FAM135B: variants seen among roughly 807,000 people sequenced by gnomAD.
FAM135B encodes the protein protein FAM135B.
In FAM135B, 43 loss-of-function variants were observed where a neutral mutation model predicts 127.7. That is an observed-to-expected ratio of 0.34 (90% confidence interval 0.26 to 0.43). FAM135B has a LOEUF of 0.43. FAM135B is among the 20% of genes least tolerant of loss of function. The pLI is 1.00. For missense variants in FAM135B, 1,558 were observed against 1,725.6 expected, an observed-to-expected ratio of 0.90 and a Z score of 1.72; for synonymous variants, 670 against 665.1, an observed-to-expected ratio of 1.01 and a Z score of -0.11.
chr8:138,337,729 G>A (rs1323700190), intron 2 of FAM135B, among the ~76,000 whole-genome samples: 1 of 152,066 alleles, frequency 6.6e-6, no homozygotes, highest in African/African-American at 2.4e-5. Flanking sequence ...AGCTACCAAT[G>A]ACTTTCTTCA....
intron 3 of FAM135B, among the ~76,000 whole-genome samples, chr8:138,307,446 C>T (rs115761392): frequency 0.014 from 2,079 of 152,190 alleles, 50 homozygotes; most frequent in African/African-American, 0.048. Context: ...CCCCTTCACC[C>T]ATGCTATGAG....
intron 2 of FAM135B, among the ~76,000 whole-genome samples, chr8:138,357,398 A>AACTTGGAAAGTCTC (rs1181342100): frequency 6.6e-6 from 1 of 152,190 alleles, no homozygotes; most frequent in African/African-American, 2.4e-5. Context: ...AAATGTTTAT[A>AACTTGGAAAGTCTC]ACTTGGAAAG....
At chr8:138,245,957 T>C (rs538358488) in intron 6 of FAM135B, among the ~76,000 whole-genome samples, 10 of 152,248 alleles carry the variant, frequency 6.6e-5, no homozygotes, top group African/African-American at 1.9e-4. Context: ...GTGTCTCAGA[T>C]GGAGATGAGG....
At chr8:138,495,208 T>C (rs1055684622) in intron 1 of FAM135B, among the ~76,000 whole-genome samples, 1 of 152,234 alleles carries the variant, frequency 6.6e-6, no homozygotes, top group Non-Finnish European at 1.5e-5. Context: ...TGGATTGTGA[T>C]TGAGCCTGGT....
intron 1 of FAM135B, among the ~76,000 whole-genome samples, chr8:138,395,796 T>G (rs1283068952): frequency 1.7e-4 from 26 of 152,188 alleles, no homozygotes; most frequent in Non-Finnish European, 2.9e-5. Flanking sequence ...GGTAGGACAT[T>G]AGGCACATTG....
rs181276908 is a variant in FAM135B at position 138,454,077 on chromosome 8, C to T, written c.-20+42594G>A. ...GTGGGGGTCACTGAGTTAGTCCAGA[C>T]GGGATGCAGGAGAGGAGAATAAGGC... On this transcript the variant is annotated intron_variant, in intron 1 of 19. Coordinates refer to ENST00000395297, the MANE Select transcript of FAM135B (RefSeq NM_015912.4). Among the ~76,000 whole-genome samples the T allele has an allele frequency of 1.2e-3, 179 of 151,510 alleles. 1 individual carries two copies. Among genetic ancestry groups the T allele is most frequent in the Non-Finnish European group, 1.6e-3 (112 of 67,958 alleles).
At chr8:138,284,963 T>C (rs979524253) in intron 3 of FAM135B, among the ~76,000 whole-genome samples, 2 of 151,946 alleles carry the variant, frequency 1.3e-5, no homozygotes, top group Non-Finnish European at 2.9e-5. Flanking sequence ...TTTAAAAAAA[T>C]AGTATTAATT....
At chr8:138,147,702 G>A (rs1817766364) in intron 14 of FAM135B, among the ~76,000 whole-genome samples, 1 of 152,088 alleles carries the variant, frequency 6.6e-6, no homozygotes, top group African/African-American at 2.4e-5. Context: ...GTGATCTATG[G>A]CTCCGTTTTC....
rs1264891889 is a variant in FAM135B at position 138,225,027 on chromosome 8, G to A, written c.669+17915C>T. Among the ~76,000 whole-genome samples the A allele has an allele frequency of 2.0e-5, 3 of 152,182 alleles. 1 individual carries two copies. Among genetic ancestry groups the A allele is most frequent in the South Asian group, 4.1e-4 (2 of 4,830 alleles). Reference sequence around the variant, plus strand: ...ATAAGTTTTAATGATCTATTGCACTGCATGGTGACCACAGTTAATGATAAT... The same window carrying A: ...ATAAGTTTTAATGATCTATTGCACTACATGGTGACCACAGTTAATGATAAT... On this transcript the variant is annotated intron_variant, in intron 7 of 19. Transcript: ENST00000395297.
At position 138,473,985 on chromosome 8, in the gene FAM135B, T is replaced by C. The variant is rs139618156; in HGVS notation, c.-20+22686A>G. Among the ~76,000 whole-genome samples, 8 of 152,322 alleles carry C rather than the reference T, an allele frequency of 5.3e-5. No homozygotes were observed. The East Asian group carries it at 1.5e-3, about 29-fold the overall frequency. On this transcript the variant is annotated intron_variant, in intron 1 of 19. Coordinates refer to ENST00000395297, the MANE Select transcript of FAM135B (RefSeq NM_015912.4). The stretch of plus-strand genomic sequence containing the variant: ...TGCCTTGGGATACATTTGTTTGTTA[T>C]GCACACCACATAAAGATCAGCATTC...
chr8:138,207,797 TC>T lies in FAM135B; in HGVS notation c.670-10129del, dbSNP rs1464223407. On this transcript the variant is annotated intron_variant, in intron 7 of 19. Transcript: ENST00000395297. ...TGAATAAGAAACAGGTCTGCCTTGT[TC>T]TCCCTCAAAGGCGTCAATCTCCATC... Among the ~76,000 whole-genome samples the T allele has an allele frequency of 2.0e-5, 3 of 152,338 alleles. No individual in the cohort carries two copies. In the East Asian group the frequency reaches 5.8e-4, roughly 29 times the overall value.
At chr8:138,206,352 G>C (rs199829661) in intron 7 of FAM135B, among the ~76,000 whole-genome samples, 1 of 39,482 alleles carries the variant, frequency 2.5e-5, no homozygotes, top group Non-Finnish European at 5.2e-5. Flanking sequence ...CACAACTCCA[G>C]CATCCCCTCC....
At chr8:138,246,371 C>T (rs1821288240) in intron 6 of FAM135B, among the ~76,000 whole-genome samples, 1 of 152,128 alleles carries the variant, frequency 6.6e-6, no homozygotes, top group African/African-American at 2.4e-5. Flanking sequence ...GGACCAGGGC[C>T]CCCTTGCTGT....
At chr8:138,403,294 C>A (rs936734371) in intron 1 of FAM135B, among the ~76,000 whole-genome samples, 9 of 152,142 alleles carry the variant, frequency 5.9e-5, no homozygotes, top group African/African-American at 2.2e-4. Context: ...AGCCCTCTCA[C>A]CTTCCATTCC....
At chr8:138,400,660 A>G (rs1056803218) in intron 1 of FAM135B, among the ~76,000 whole-genome samples, 4 of 152,148 alleles carry the variant, frequency 2.6e-5, no homozygotes, top group African/African-American at 9.7e-5. Flanking sequence ...ATTGTTGCTC[A>G]GCCTTTGTTT....
At chr8:138,186,243 A>T (rs567115866) in intron 9 of FAM135B, among the ~76,000 whole-genome samples, 2 of 152,272 alleles carry the variant, frequency 1.3e-5, no homozygotes, top group African/African-American at 4.8e-5. Flanking sequence ...TCTATTTCTC[A>T]TTGAGCTGCA....
chr8:138,445,625 A>G (rs1258232671), intron 1 of FAM135B, among the ~76,000 whole-genome samples: 1 of 152,102 alleles, frequency 6.6e-6, no homozygotes, highest in Non-Finnish European at 1.5e-5. Context: ...AAAAACTCTC[A>G]ATAAATTAGG....
chr8:138,132,511 T>A lies in FAM135B; in HGVS notation c.*82A>T. ...ATGCTGTTGAAGCTTCATTCTGAAA[T>A]GGTGAGGTCTGTAAAAGCAGGTCTC... is the stretch of plus-strand genomic sequence containing the variant. On this transcript the variant is annotated 3_prime_UTR_variant, in exon 20 of 20. Transcript: ENST00000395297. The surrounding 1 kb of genome is among the most constrained non-coding windows in gnomAD (Gnocchi z 4.5). 4.4e-6 allele frequency: 5 copies of A among 1,148,648 alleles called. No homozygotes were observed. Among genetic ancestry groups the A allele is most frequent in the Non-Finnish European group, 6.4e-6 (5 of 775,822 alleles). The allele number at this position is 1,148,648 out of a possible 1,614,324, so 71.2% of individuals were successfully genotyped here.
intron 6 of FAM135B, among the ~76,000 whole-genome samples, chr8:138,248,879 T>C (rs1189499998): frequency 6.6e-6 from 1 of 151,556 alleles, no homozygotes; most frequent in Non-Finnish European, 1.5e-5. Flanking sequence ...CTTTGACTCA[T>C]TCATTGACTT....
Sources: allele counts gnomAD v4.1 joint callset (sites outside exome capture counted in the v4.1 genomes callset), GRCh38; gene constraint gnomAD v4.1.1; non-coding constraint Gnocchi (gnomAD v3.1); transcripts MANE v1.5; gene names NCBI Gene and HGNC (gene_info 2026-07-23, HGNC 2026-07-21).